Variants in CACNA1H observed in about 807,000 individuals in gnomAD.
The protein encoded by CACNA1H is voltage-dependent T-type calcium channel subunit alpha-1H.
Under a neutral mutation model 192.5 loss-of-function variants are expected in CACNA1H, and 149 were observed. The ratio of observed to expected loss-of-function variants is 0.77; its 90% CI spans 0.68 to 0.89. The LOEUF (loss-of-function observed/expected upper bound fraction) is 0.89. Among genes scored for constraint, CACNA1H ranks in the 40% least tolerant of loss-of-function variants. The pLI is 0.00. For synonymous variants in CACNA1H, 2,202 were observed against 1,475.2 expected, an observed-to-expected ratio of 1.49 and a Z score of -11.29; for missense variants, 4,257 against 3,423.5, an observed-to-expected ratio of 1.24 and a Z score of -6.08.
Position 1,182,591 on chromosome 16 carries a change from C to G in CACNA1H, c.300-12381C>G, listed in dbSNP as rs537855438. 9.2e-5 allele frequency among the ~76,000 whole-genome samples: 14 copies of G among 152,300 alleles called. No homozygotes were observed. In the South Asian group the frequency reaches 2.5e-3, roughly 27 times the overall value. Reference sequence around the variant, plus strand: ...GTCACGCAAGTCCAGGCGGCTGGCTCCGGCCACGTTCCCCTGGCCAGGCCC... The same window carrying G: ...GTCACGCAAGTCCAGGCGGCTGGCTGCGGCCACGTTCCCCTGGCCAGGCCC... On this transcript the variant is annotated intron_variant, in intron 2 of 34. Coordinates refer to ENST00000348261, the MANE Select transcript of CACNA1H (RefSeq NM_021098.3).
At chr16:1,213,163 G>A (rs1234804050) in intron 26 of CACNA1H, among the ~76,000 whole-genome samples, 2 of 152,240 alleles carry the variant, frequency 1.3e-5, no homozygotes, top group Non-Finnish European at 2.9e-5. Context: ...CTAGACCACA[G>A]CCCATGGCCC....
At position 1,220,594 on chromosome 16, in the gene CACNA1H, C is replaced by T. The variant is rs765757800; in HGVS notation, c.6662C>T (p.Pro2221Leu). ...AGCACCACACTGAGGCGCAGGACCC[C>T]GTCCTGTGAGGCCACGCCTCACAGG... The part of the protein sequence containing the change: ...GGSTTLRRRT[P>L]SCEATPHRDS... Residue 2221 changes from proline (P) to leucine (L), a missense_variant, in exon 35 of 35, where the codon CCG (proline) becomes CTG (leucine). Coordinates refer to ENST00000348261, the MANE Select transcript of CACNA1H (RefSeq NM_021098.3). 17 of 1,554,376 alleles carry T rather than the reference C, an allele frequency of 1.1e-5. No homozygotes were observed. Among genetic ancestry groups the T allele is most frequent in the Middle Eastern group, 1.7e-4 (1 of 5,766 alleles).
rs1012731299 is a variant in CACNA1H, at chr16:1,156,159, G to A, written c.299+2123G>A. On this transcript the variant is annotated intron_variant, in intron 2 of 34. Transcript: ENST00000348261. ...CACGGCAGGACCCCCCACCCTCCTCGCCGCCAGCACCTCTGGCACGCTTTG... is the reference window on the plus strand; with the variant it reads ...CACGGCAGGACCCCCCACCCTCCTCACCGCCAGCACCTCTGGCACGCTTTG... 2.0e-5 allele frequency among the ~76,000 whole-genome samples: 3 copies of A among 152,264 alleles called. No individual in the cohort carries two copies. In the Middle Eastern group the frequency reaches 0.01, roughly 518 times the overall value.
Position 1,220,716 on chromosome 16 carries a change from A to C in CACNA1H, c.6784A>C (p.Thr2262Pro). 1 of 1,611,492 alleles carries C rather than the reference A, an allele frequency of 6.2e-7. No individual in the cohort carries two copies. Among genetic ancestry groups the C allele is most frequent in the Non-Finnish European group, 8.5e-7 (1 of 1,179,474 alleles). The change falls in exon 35 of 35, where the codon ACC becomes CCC. Residue 2262 changes from threonine to proline, a missense_variant. Physicochemically the swap from Thr to Pro is conservative, Grantham distance 38. Transcript: ENST00000348261. ...GQASCRAEHL[T>P]VPSFAFEPLD... Reference sequence around the variant, plus strand: ...GGCCTCCTGCCGGGCTGAGCACCTGACCGTCCCCAGCTTTGCCTTTGAGCC... The same window carrying C: ...GGCCTCCTGCCGGGCTGAGCACCTGCCCGTCCCCAGCTTTGCCTTTGAGCC...
chr16:1,206,142 C>T lies in CACNA1H; in HGVS notation c.2642C>T (p.Ser881Phe). 1 of 1,586,466 alleles carries T rather than the reference C, an allele frequency of 6.3e-7. No homozygotes were observed. The highest frequency in any genetic ancestry group is 8.6e-7 in the Non-Finnish European group (1 of 1,168,782). Residue 881 changes from serine (S) to phenylalanine (F), a missense_variant, in exon 12 of 35, where the codon TCT becomes TTT. By Grantham distance (155) the Ser-to-Phe change is radical. Coordinates refer to ENST00000348261, the MANE Select transcript of CACNA1H (RefSeq NM_021098.3). ...GTGGGGCAGGCGGACGGTGGCTTGTCTGTGCTGCGCACCTTCCGGCTGCTG... is the reference window on the plus strand; with the variant it reads ...GTGGGGCAGGCGGACGGTGGCTTGTTTGTGCTGCGCACCTTCCGGCTGCTG... Reference protein sequence around the residue: ...EIVGQADGGLSVLRTFRLLRV... With the variant: ...EIVGQADGGLFVLRTFRLLRV...
At chr16:1,159,095 T>C (rs1962843130) in intron 2 of CACNA1H, among the ~76,000 whole-genome samples, 2 of 152,184 alleles carry the variant, frequency 1.3e-5, no homozygotes, top group Non-Finnish European at 2.9e-5. Flanking sequence ...CTTCAGGCCC[T>C]GATGGGGGGA....
At chr16:1,158,843 A>G (rs552321785) in intron 2 of CACNA1H, among the ~76,000 whole-genome samples, 2,889 of 146,014 alleles carry the variant, frequency 0.02, 89 homozygotes, top group African/African-American at 0.07. Flanking sequence ...CCCCGGCCCC[A>G]CAGGGCCCCG....
At chr16:1,181,928 TC>T (rs1389531424) in intron 2 of CACNA1H, among the ~76,000 whole-genome samples, 1 of 151,612 alleles carries the variant, frequency 6.6e-6, no homozygotes, top group Non-Finnish European at 1.5e-5. Context: ...CACATGCATG[TC>T]CCCTTTGCAC....
intron 30 of CACNA1H, among the ~76,000 whole-genome samples, chr16:1,216,232 G>A (rs1186694863): frequency 6.6e-6 from 1 of 152,150 alleles, no homozygotes; most frequent in Non-Finnish European, 1.5e-5. Context: ...CCCCCTGCCT[G>A]TCTTCTGCCT....
rs758360432 is a variant in CACNA1H, at chr16:1,210,448, C to T, written c.3924C>T (p.Cys1308=). The part of the protein sequence containing the change: ...HVVLVFIFLN[C]VTIALERPDI... ...TCCTCGTCTTCATCTTCCTCAACTG[C>T]GTCACCATCGCCCTGGAGAGGCCTG... Residue 1308 remains cysteine, a synonymous_variant, in exon 19 of 35, where the codon TGC becomes TGT. Transcript: ENST00000348261. The T allele has an allele frequency of 1.5e-5, 24 of 1,611,694 alleles. 1 individual carries two copies. Among genetic ancestry groups the T allele is most frequent in the Middle Eastern group, 3.3e-4 (2 of 6,082 alleles).
At position 1,220,501 on chromosome 16, in the gene CACNA1H, C is replaced by T. The variant is rs576145899; in HGVS notation, c.6569C>T (p.Pro2190Leu). 3.9e-6 allele frequency: 6 copies of T among 1,542,342 alleles called. No individual in the cohort carries two copies. The highest frequency in any genetic ancestry group is 5.2e-6 in the Non-Finnish European group (6 of 1,153,108). ...GARRKKKMSP[P>L]CISVEPPAED... ...CGCAGAAAGAAGAAGATGAGCCCCC[C>T]CTGCATCTCGGTGGAACCCCCTGCG... Residue 2190 changes from proline to leucine, a missense_variant, in exon 35 of 35, where the codon CCC becomes CTC. Physicochemically the swap from Pro to Leu is moderately conservative, Grantham distance 98. Transcript: ENST00000348261.
intron 26 of CACNA1H, among the ~76,000 whole-genome samples, chr16:1,212,836 C>A (rs944459708): frequency 1.7e-4 from 26 of 152,332 alleles, no homozygotes; most frequent in East Asian, 1.4e-3. Context: ...GCTGGTCCAG[C>A]CTGACTGGCC....
In CACNA1H at chr16:1,204,412, C is replaced by T. The variant is rs781441262; in HGVS notation, c.2405C>T (p.Ala802Val). 8.4e-6 allele frequency: 13 copies of T among 1,552,020 alleles called. No homozygotes were observed. Among genetic ancestry groups the T allele is most frequent in the Non-Finnish European group, 1.0e-5 (12 of 1,149,936 alleles). Residue 802 changes from alanine to valine, a missense_variant, in exon 10 of 35, where the codon GCC (alanine) becomes GTC (valine). By Grantham distance (64) the Ala-to-Val change is moderately conservative (BLOSUM62 0). Coordinates refer to ENST00000348261, the MANE Select transcript of CACNA1H (RefSeq NM_021098.3). ...TACTTCAGCCGTGGCATCATGATGG[C>T]CATCCTTGTCAACACGCTGAGCATG... ...SKYFSRGIMM[A>V]ILVNTLSMGV...
rs772532983 is a variant in CACNA1H, at chr16:1,220,354, A to G, written c.6422A>G (p.Gln2141Arg). Residue 2141 changes from glutamine (Q) to arginine (R), a missense_variant, in exon 35 of 35, where the codon CAG (glutamine) becomes CGG (arginine). By Grantham distance (43) the Gln-to-Arg change is conservative. Coordinates refer to ENST00000348261, the MANE Select transcript of CACNA1H (RefSeq NM_021098.3). ...CGCAGGCTCTACAGCGTGGATGCTC[A>G]GGGCTTCCTGGACAAGCCGGGCCGG... ...DLRRLYSVDA[Q>R]GFLDKPGRAD... 9.2e-6 allele frequency: 14 copies of G among 1,526,532 alleles called. No homozygotes were observed. Among genetic ancestry groups the G allele is most frequent in the South Asian group, 1.3e-5 (1 of 79,472 alleles). 94.6% of individuals were successfully genotyped at this position (1,526,532 alleles called of 1,614,324 possible).
At chr16:1,185,313 G>A (rs140421364) in intron 2 of CACNA1H, among the ~76,000 whole-genome samples, 2 of 152,196 alleles carry the variant, frequency 1.3e-5, no homozygotes, top group African/African-American at 2.4e-5. Context: ...CTGTGGACAC[G>A]TGTGGGCCCG....
intron 2 of CACNA1H, among the ~76,000 whole-genome samples, chr16:1,164,298 G>A (rs1037252078): frequency 5.9e-5 from 9 of 152,182 alleles, no homozygotes; most frequent in African/African-American, 1.9e-4. Flanking sequence ...AATACCCGAA[G>A]CCTCAGATCT....
Position 1,221,199 on chromosome 16 carries a change from GT to G in CACNA1H, c.*207del. On this transcript the variant is annotated 3_prime_UTR_variant, in exon 35 of 35. Transcript: ENST00000348261. ...GCCCCACGAGCCTCCGTCCGTTCTG[GT>G]TCGGGTTTCTCCGAGTTTTGCTACC... The G allele has an allele frequency of 1.9e-6, 1 of 525,466 alleles. No individual in the cohort carries two copies. Among genetic ancestry groups the G allele is most frequent in the Non-Finnish European group, 3.3e-6 (1 of 301,730 alleles). 32.6% of individuals were successfully genotyped at this position (525,466 alleles called of 1,614,324 possible).
In CACNA1H at chr16:1,207,016, C is replaced by T. The variant is rs1056285479; in HGVS notation, c.2805C>T (p.His935=). 3.8e-6 allele frequency: 6 copies of T among 1,592,646 alleles called. No homozygotes were observed. Among genetic ancestry groups the T allele is most frequent in the African/African-American group, 1.3e-5 (1 of 74,266 alleles). The change falls in exon 13 of 35, where the codon CAC becomes CAT. Residue 935 remains histidine, a synonymous_variant. Coordinates refer to ENST00000348261, the MANE Select transcript of CACNA1H (RefSeq NM_021098.3). ...FIFIFSILGM[H]LFGCKFSLKT... ...CCACCCTCAGCATCCTGGGCATGCA[C>T]CTTTTCGGCTGCAAGTTCAGCCTGA...
At chr16:1,164,631 C>T (rs1963570507) in intron 2 of CACNA1H, among the ~76,000 whole-genome samples, 2 of 152,244 alleles carry the variant, frequency 1.3e-5, no homozygotes, top group African/African-American at 4.8e-5. Context: ...AGGCTCACTG[C>T]TGCACAGAAT....
Sources: gnomAD v4.1 joint callset for allele counts (sites outside exome capture counted in the v4.1 genomes callset) on GRCh38, gnomAD v4.1.1 for gene constraint, MANE v1.5 for transcripts, NCBI Gene and HGNC (gene_info 2026-07-23, HGNC 2026-07-21) for gene names.